GABRB1: variants seen among roughly 807,000 people sequenced by gnomAD.
The protein encoded by GABRB1 is gamma-aminobutyric acid receptor subunit beta-1.
GABRB1 carries 17 observed loss-of-function variants against 51.6 expected under a neutral mutation model. That is an observed-to-expected ratio of 0.33 (90% CI 0.23 to 0.49). The LOEUF is 0.49. Among genes scored for constraint, GABRB1 ranks in the 20% least tolerant of loss-of-function variants. The pLI is 0.99. For synonymous variants in GABRB1, 247 were observed against 218.9 expected (o/e 1.13, Z -1.14); for missense variants, 410 against 600.6 (o/e 0.68, Z 3.32).
chr4:47,253,843 G>A (rs1000326129), intron 4 of GABRB1, among the ~76,000 whole-genome samples: 5 of 152,130 alleles, frequency 3.3e-5, no homozygotes, highest in Admixed American at 1.3e-4. Flanking sequence ...GTTTTCCAAA[G>A]AAATGTTTCA....
chr4:47,160,422 G>A (rs1033982225), intron 3 of GABRB1, among the ~76,000 whole-genome samples: 2 of 152,118 alleles, frequency 1.3e-5, no homozygotes, highest in African/African-American at 4.8e-5. Context: ...GTAATTCAAA[G>A]AAAAATCCAG....
chr4:47,396,078 C>T (rs760424949), intron 5 of GABRB1, among the ~76,000 whole-genome samples: 1 of 152,142 alleles, frequency 6.6e-6, no homozygotes, highest in Non-Finnish European at 1.5e-5. Flanking sequence ...GCTGCTGATA[C>T]ACACCCGAGA....
At chr4:47,307,340 G>A (rs1342994291) in intron 4 of GABRB1, among the ~76,000 whole-genome samples, 1 of 151,856 alleles carries the variant, frequency 6.6e-6, no homozygotes, top group East Asian at 1.9e-4. Context: ...GTCATTTTTA[G>A]GGATTTATGC....
At chr4:47,026,020 T>A (rs1375180112) in intron 1 of GABRB1, among the ~76,000 whole-genome samples, 1 of 152,040 alleles carries the variant, frequency 6.6e-6, no homozygotes, top group Non-Finnish European at 1.5e-5. Context: ...GTGTCTTCCC[T>A]GATATTCCAA....
At chr4:47,103,194 A>C (rs1313691636) in intron 3 of GABRB1, among the ~76,000 whole-genome samples, 1 of 152,020 alleles carries the variant, frequency 6.6e-6, no homozygotes, top group Non-Finnish European at 1.5e-5. Flanking sequence ...ATTTTATATA[A>C]AAATTATGAA....
At chr4:47,114,063 A>C (rs2109634033) in intron 3 of GABRB1, among the ~76,000 whole-genome samples, 1 of 152,338 alleles carries the variant, frequency 6.6e-6, no homozygotes, top group Non-Finnish European at 1.5e-5. Flanking sequence ...CTAGAGATGC[A>C]TATGCAGTTT....
At chr4:47,015,147 C>T (rs1023130193) in intron 1 of GABRB1, among the ~76,000 whole-genome samples, 1 of 152,158 alleles carries the variant, frequency 6.6e-6, no homozygotes, top group African/African-American at 2.4e-5. Context: ...ACCTTGTGAT[C>T]CGCCCACCTC....
intron 5 of GABRB1, among the ~76,000 whole-genome samples, chr4:47,376,573 G>C (rs1223310527): frequency 6.6e-6 from 1 of 152,216 alleles, no homozygotes; most frequent in African/African-American, 2.4e-5. Context: ...CGTGAACCCG[G>C]GAGGCGGAGC....
At chr4:47,342,395 C>A (rs1159110765) in intron 5 of GABRB1, among the ~76,000 whole-genome samples, 1 of 151,526 alleles carries the variant, frequency 6.6e-6, no homozygotes, top group African/African-American at 2.4e-5. Flanking sequence ...AGGCACCCCA[C>A]AAAAAAATAC....
chr4:47,127,318 A>ATG (rs1716195204), intron 3 of GABRB1, among the ~76,000 whole-genome samples: 1 of 151,854 alleles, frequency 6.6e-6, no homozygotes, highest in Non-Finnish European at 1.5e-5. Context: ...ATATAGATAT[A>ATG]TGTGTGTGTA....
chr4:47,031,338 T>G, upstream of GABRB1: 1 of 351,736 alleles, frequency 2.8e-6, no homozygotes, highest in Non-Finnish European at 5.2e-6. Flanking sequence ...AGGGCAGAAA[T>G]GAAATCAACA....
At chr4:47,244,744 A>G (rs184757662) in intron 4 of GABRB1, among the ~76,000 whole-genome samples, 2,532 of 152,284 alleles carry the variant, frequency 0.017, 32 homozygotes, top group Non-Finnish European at 0.027. Flanking sequence ...CTGAATGACT[A>G]CTGGGTAAAT....
chr4:47,410,472 T>C (rs1208434093), intron 8 of GABRB1, among the ~76,000 whole-genome samples: 4 of 152,144 alleles, frequency 2.6e-5, no homozygotes, highest in Admixed American at 2.6e-4. Context: ...TGAAGCCATG[T>C]CCCAGACTGA....
chr4:47,411,833 T>C (rs1728769966), intron 8 of GABRB1, among the ~76,000 whole-genome samples: 2 of 152,042 alleles, frequency 1.3e-5, no homozygotes, highest in African/African-American at 4.8e-5. Context: ...ATATAGTGTA[T>C]AAAGAAATGG....
At chr4:47,188,950 A>G (rs2109780077) in intron 4 of GABRB1, among the ~76,000 whole-genome samples, 1 of 152,140 alleles carries the variant, frequency 6.6e-6, no homozygotes, top group Middle Eastern at 3.4e-3. Flanking sequence ...TAGATGCATT[A>G]CCAGCTGCTG....
At chr4:47,292,325 C>G (rs1244334934) in intron 4 of GABRB1, among the ~76,000 whole-genome samples, 1 of 152,150 alleles carries the variant, frequency 6.6e-6, no homozygotes, top group Non-Finnish European at 1.5e-5. Flanking sequence ...TTGTAAATTG[C>G]CCAGTCTTGG....
At chr4:47,263,069 G>C (rs1393852547) in intron 4 of GABRB1, among the ~76,000 whole-genome samples, 1 of 150,036 alleles carries the variant, frequency 6.7e-6, no homozygotes, top group Non-Finnish European at 1.5e-5. Context: ...GGGAGGGATA[G>C]CTTTAGGAGA....
At chr4:47,342,696 C>G (rs1194775163) in intron 5 of GABRB1, among the ~76,000 whole-genome samples, 1 of 152,102 alleles carries the variant, frequency 6.6e-6, no homozygotes, top group African/African-American at 2.4e-5. Context: ...AAAGAGGGCC[C>G]TGAATTTCAT....
intron 4 of GABRB1, 32 bp downstream of exon 4, chr4:47,161,501 T>C (rs1027622735): frequency 1.3e-6 from 2 of 1,566,822 alleles, no homozygotes; most frequent in African/African-American, 2.7e-5. Flanking sequence ...GTTTTAATGT[T>C]GTTGTTGTTT....
Sources: gnomAD v4.1 joint callset for allele counts (sites outside exome capture counted in the v4.1 genomes callset) on GRCh38, gnomAD v4.1.1 for gene constraint, MANE v1.5 for transcripts, NCBI Gene and HGNC (gene_info 2026-07-23, HGNC 2026-07-21) for gene names.